Variants in LTBP1 observed in about 807,000 individuals in gnomAD.
The protein encoded by LTBP1 is latent-transforming growth factor beta-binding protein 1.
Under a neutral mutation model 207.6 loss-of-function variants are expected in LTBP1, and 129 were observed. The ratio of observed to expected loss-of-function variants is 0.62; its 90% confidence interval spans 0.54 to 0.72. LTBP1 has a LOEUF of 0.72. Among genes scored for constraint, LTBP1 ranks in the 30% least tolerant of loss-of-function variants. The pLI is 0.00. For missense variants in LTBP1, 2,281 were observed against 2,217.2 expected, an observed-to-expected ratio of 1.03 and a Z score of -0.58; for synonymous variants, 963 against 833.7, an observed-to-expected ratio of 1.16 and a Z score of -2.67.
At chr2:33,122,035 C>G (rs1024609704) in intron 4 of LTBP1, among the ~76,000 whole-genome samples, 2 of 151,894 alleles carry the variant, frequency 1.3e-5, no homozygotes, top group African/African-American at 4.8e-5. Context: ...CCCTGCCCCC[C>G]TCCACACACA....
chr2:33,220,452 C>A (rs1237181774), intron 8 of LTBP1, among the ~76,000 whole-genome samples: 1 of 151,924 alleles, frequency 6.6e-6, no homozygotes, highest in African/African-American at 2.4e-5. Flanking sequence ...ATTTTTTTTG[C>A]TGTGAATACT....
intron 13 of LTBP1, among the ~76,000 whole-genome samples, chr2:33,260,317 A>G (rs2092975403): frequency 6.6e-6 from 1 of 152,202 alleles, no homozygotes; most frequent in Admixed American, 6.5e-5. Flanking sequence ...ACTATGATAT[A>G]TTGCTAGACT....
chr2:33,115,035 TATAC>T (rs1163903372), intron 4 of LTBP1, among the ~76,000 whole-genome samples: 27 of 98,278 alleles, frequency 2.7e-4, no homozygotes, highest in African/African-American at 5.0e-4. Context: ...CAAACAGATA[TATAC>T]ACACACACAC....
At chr2:32,960,963 G>T (rs1320114429) in intron 2 of LTBP1, among the ~76,000 whole-genome samples, 1 of 152,042 alleles carries the variant, frequency 6.6e-6, no homozygotes, top group African/African-American at 2.4e-5. Context: ...AACAAGAGGG[G>T]ACTGTACAAC....
intron 7 of LTBP1, among the ~76,000 whole-genome samples, chr2:33,197,827 C>T (rs541968204): frequency 1.1e-3 from 173 of 152,250 alleles, no homozygotes; most frequent in African/African-American, 4.0e-3. Flanking sequence ...AGCCTGTGCT[C>T]TTTGTTGAAC....
chr2:33,312,627 G>A (rs767711106), intron 23 of LTBP1, among the ~76,000 whole-genome samples: 3 of 151,962 alleles, frequency 2.0e-5, no homozygotes, highest in Admixed American at 6.6e-5. Flanking sequence ...CAAATTGAAT[G>A]CATATGTTTC....
At chr2:33,235,293 G>GA (rs1247229216) in intron 9 of LTBP1, among the ~76,000 whole-genome samples, 1 of 152,016 alleles carries the variant, frequency 6.6e-6, no homozygotes, top group Non-Finnish European at 1.5e-5. Flanking sequence ...CAACAAACAT[G>GA]AAAAAAAGCT....
chr2:33,264,346 A>G (rs2148083783), intron 15 of LTBP1, among the ~76,000 whole-genome samples: 1 of 152,228 alleles, frequency 6.6e-6, no homozygotes, highest in South Asian at 2.1e-4. Context: ...AAAATGCATC[A>G]GTGTTCTGTT....
chr2:33,140,727 C>T (rs1352424058), intron 5 of LTBP1, among the ~76,000 whole-genome samples: 4 of 148,052 alleles, frequency 2.7e-5, no homozygotes, highest in African/African-American at 9.9e-5. Context: ...GAGTGCAGTG[C>T]CGCCATCTCA....
At chr2:32,971,182 G>A (rs1473400347) in intron 2 of LTBP1, among the ~76,000 whole-genome samples, 3 of 152,054 alleles carry the variant, frequency 2.0e-5, no homozygotes, top group Non-Finnish European at 2.9e-5. Flanking sequence ...TCACATCTAG[G>A]AGTTTTTGGG....
intron 5 of LTBP1, among the ~76,000 whole-genome samples, chr2:33,135,522 C>T (rs945274365): frequency 4.7e-5 from 7 of 149,006 alleles, no homozygotes; most frequent in African/African-American, 1.5e-4. Context: ...TGATATATAA[C>T]GTGGATTTGG....
At chr2:33,332,886 AGAG>A (rs1161308256) in intron 24 of LTBP1, 2 of 152,224 alleles carry the variant, frequency 1.3e-5, no homozygotes, top group Non-Finnish European at 2.9e-5. Flanking sequence ...TGGTTCTGAG[AGAG>A]GAGGTGTAGT....
At chr2:33,044,619 T>C (rs572511357) in intron 3 of LTBP1, among the ~76,000 whole-genome samples, 1 of 152,354 alleles carries the variant, frequency 6.6e-6, no homozygotes, top group Non-Finnish European at 1.5e-5. Flanking sequence ...ATCCTTTGGG[T>C]ATATACCCAG....
At position 33,045,720 on chromosome 2, in the gene LTBP1, C is replaced by T. The variant is rs557191438; in HGVS notation, c.863+24514C>T. On this transcript the variant is annotated intron_variant, in intron 3 of 33. Coordinates refer to ENST00000404816, the MANE Select transcript of LTBP1 (RefSeq NM_206943.4). Reference sequence around the variant, plus strand: ...ACTTTGGGCAGTATGGCCATTTTCACAATACTGATTCTTCCTATCCATGAG... The same window carrying T: ...ACTTTGGGCAGTATGGCCATTTTCATAATACTGATTCTTCCTATCCATGAG... Among the ~76,000 whole-genome samples, 4 of 152,216 alleles carry T rather than the reference C, an allele frequency of 2.6e-5. No individual in the cohort carries two copies. The South Asian group carries it at 8.3e-4, about 32-fold the overall frequency.
At chr2:33,107,876 T>G (rs936103762) in intron 3 of LTBP1, among the ~76,000 whole-genome samples, 2 of 152,210 alleles carry the variant, frequency 1.3e-5, no homozygotes, top group African/African-American at 4.8e-5. Flanking sequence ...TTGCTGTGAC[T>G]AATTTGATGT....
intron 24 of LTBP1, 93 bp downstream of exon 24, chr2:33,315,362 A>G: frequency 6.8e-7 from 1 of 1,472,784 alleles, no homozygotes; most frequent in Non-Finnish European, 9.3e-7. Context: ...ACTAAGAGGT[A>G]CTGCATAATT....
At chr2:33,111,431 C>T (rs1051341991) in intron 4 of LTBP1, among the ~76,000 whole-genome samples, 2 of 152,218 alleles carry the variant, frequency 1.3e-5, no homozygotes, top group African/African-American at 2.4e-5. Flanking sequence ...TAGACACACG[C>T]TCTCGTTCCA....
At chr2:33,326,640 A>AATTAATTAATTTATTTATTT (rs1553502915) in intron 24 of LTBP1, among the ~76,000 whole-genome samples, 1 of 144,590 alleles carries the variant, frequency 6.9e-6, no homozygotes, top group African/African-American at 2.6e-5. Flanking sequence ...TGAGGGATAT[A>AATTAATTAATTTATTTATTT]ATTTATTTAT....
rs41291171 is a variant in LTBP1, at chr2:33,398,646, G to A, written c.*101G>A. The A allele has an allele frequency of 0.051, 59,293 of 1,168,032 alleles. 2,055 individuals are homozygous for A. The highest frequency in any genetic ancestry group is 0.056 in the Non-Finnish European group (47,576 of 848,366). 72.4% of individuals were successfully genotyped at this position (1,168,032 alleles called of 1,614,324 possible). On this transcript the variant is annotated 3_prime_UTR_variant, in exon 34 of 34. Transcript: ENST00000404816. ...ACATTGCACCTACCCCGGAAGGCTG[G>A]AAATACAGAAACAGCATGGAATTGC...
Sources: gnomAD v4.1 joint callset for allele counts (sites outside exome capture counted in the v4.1 genomes callset) on GRCh38, gnomAD v4.1.1 for gene constraint, MANE v1.5 for transcripts, NCBI Gene and HGNC (gene_info 2026-07-23, HGNC 2026-07-21) for gene names.